Variants in TEX11 observed in about 807,000 individuals in gnomAD.
TEX11 encodes testis-expressed protein 11.
Under a neutral mutation model 84.4 loss-of-function variants are expected in TEX11, and 7 were observed. The observed-to-expected ratio is 0.08, with a 90% CI of 0.05 to 0.16. The LOEUF is 0.16. TEX11 is among the 10% of genes least tolerant of loss of function. The probability of loss-of-function intolerance (pLI) is 1.00; values close to 1 mark genes in which losing one functional copy is unlikely to be tolerated. For missense variants in TEX11, 551 were observed against 660.5 expected, an observed-to-expected ratio of 0.83 and a Z score of 1.82; for synonymous variants, 264 against 222.8, an observed-to-expected ratio of 1.18 and a Z score of -1.64.
intron 2 of TEX11, among the ~76,000 whole-genome samples, chrX:70,906,119 A>G (rs1361953251): frequency 1.4e-5 from 1 of 71,761 alleles, no homozygotes; most frequent in Non-Finnish European, 2.6e-5. Context: ...ATATATATAT[A>G]TATATATATA....
chrX:70,580,567 C>T (rs1301539016), intron 25 of TEX11, among the ~76,000 whole-genome samples: 1 of 111,992 alleles, frequency 8.9e-6, no homozygotes, highest in African/African-American at 3.2e-5. Context: ...TAAATGGATA[C>T]ACTTATAATG....
chrX:70,800,662 A>G (rs1254879846), intron 9 of TEX11, among the ~76,000 whole-genome samples: 2 of 106,125 alleles, frequency 1.9e-5, no homozygotes, highest in Non-Finnish European at 3.9e-5. Flanking sequence ...TCTGGGCAAG[A>G]ACTTCCTTCT....
chrX:70,892,395 T>C (rs1256454437), intron 2 of TEX11, among the ~76,000 whole-genome samples: 1 of 111,698 alleles, frequency 9.0e-6, no homozygotes, highest in Non-Finnish European at 1.9e-5. Context: ...AATTCACACA[T>C]AACAATGTTA....
chrX:70,783,744 T>C (rs767757757), intron 9 of TEX11, among the ~76,000 whole-genome samples: 7 of 111,998 alleles, frequency 6.3e-5, no homozygotes, highest in Admixed American at 1.9e-4. Flanking sequence ...GATAAATTCC[T>C]GGACACTTAC....
chrX:70,896,020 T>C (rs1362579570), intron 2 of TEX11, among the ~76,000 whole-genome samples: 4 of 111,796 alleles, frequency 3.6e-5, no homozygotes, highest in Non-Finnish European at 7.5e-5. Context: ...AATTGACAAA[T>C]TGAATCTAAT....
chrX:70,531,430 A>T (rs1156720850), intron 28 of TEX11, among the ~76,000 whole-genome samples: 1 of 112,059 alleles, frequency 8.9e-6, no homozygotes, highest in Non-Finnish European at 1.9e-5. Context: ...GAGCCCCTTG[A>T]AGGTAAAATG....
chrX:70,655,285 T>C (rs1012600712), intron 16 of TEX11, among the ~76,000 whole-genome samples: 2 of 111,151 alleles, frequency 1.8e-5, no homozygotes, highest in Admixed American at 9.6e-5. Context: ...TGTGTGTATA[T>C]AGGTGGTCTC....
chrX:70,542,057 G>A (rs747766474), intron 28 of TEX11, among the ~76,000 whole-genome samples: 1 of 111,200 alleles, frequency 9.0e-6, no homozygotes, highest in Admixed American at 9.6e-5. Flanking sequence ...CACCTCCAGT[G>A]GAAACAGCCC....
In TEX11 at chrX:70,689,936, C is replaced by T. The variant is rs190107341; in HGVS notation, c.1005-7111G>A. On this transcript the variant is annotated intron_variant, in intron 13 of 29. Coordinates refer to ENST00000374333, the MANE Select transcript of TEX11 (RefSeq NM_031276.3). ...CATAAATCATATTGACAGTATATAC[C>T]CTTGATAACGATGTAATGAAAATGG... 9.0e-5 allele frequency among the ~76,000 whole-genome samples: 10 copies of T among 111,183 alleles called. No homozygotes were observed. The East Asian group carries it at 2.8e-3, about 31-fold the overall frequency.
intron 11 of TEX11, among the ~76,000 whole-genome samples, chrX:70,731,043 C>G (rs1268376624): frequency 2.7e-5 from 3 of 111,849 alleles, no homozygotes; most frequent in Non-Finnish European, 5.6e-5. Context: ...CAACCTGCTC[C>G]TGAATGACTA....
the TEX11 span, among the ~76,000 whole-genome samples, chrX:70,514,580 C>T: frequency 2.9e-4 from 26 of 90,570 alleles, no homozygotes; most frequent in East Asian, 8.6e-3. Flanking sequence ...GGTGTCAGAG[C>T]CGAGACTCCA....
At chrX:70,717,341 T>C (rs1290393506) in intron 13 of TEX11, among the ~76,000 whole-genome samples, 5 of 108,390 alleles carry the variant, frequency 4.6e-5, no homozygotes, top group Non-Finnish European at 9.6e-5. Flanking sequence ...TTTTTTGAGA[T>C]GGAGTCTTGC....
chrX:70,629,798 G>A lies in TEX11; in HGVS notation c.1484-63C>T, dbSNP rs764322115. 3.7e-6 allele frequency: 3 copies of A among 803,161 alleles called. No homozygotes were observed. In the South Asian group the frequency reaches 9.7e-5, roughly 26 times the overall value. 66.2% of individuals were successfully genotyped at this position (803,161 alleles called of 1,213,427 possible). A position where few individuals can be genotyped will look rare whatever the true frequency, so the allele number is the denominator to read the frequency against. ...TAATCAAAGAAATTACATATCTATG[G>A]TTAATTATGCCACAATGAATTTGGA... On this transcript the variant is annotated intron_variant, in intron 17 of 29. Coordinates refer to ENST00000374333, the MANE Select transcript of TEX11 (RefSeq NM_031276.3).
intron 9 of TEX11, among the ~76,000 whole-genome samples, chrX:70,772,833 A>G: frequency 9.0e-6 from 1 of 110,942 alleles, no homozygotes; most frequent in Non-Finnish European, 1.9e-5. Flanking sequence ...GAGCAGGACA[A>G]TACAATGATG....
At chrX:70,555,927 T>C (rs2088280599) in intron 25 of TEX11, among the ~76,000 whole-genome samples, 1 of 112,120 alleles carries the variant, frequency 8.9e-6, no homozygotes, top group Non-Finnish European at 1.9e-5. Flanking sequence ...CATAAAAGTG[T>C]TCATAATATT....
At chrX:70,833,793 T>C (rs975562408) in intron 7 of TEX11, among the ~76,000 whole-genome samples, 200 bp from the exon 8 acceptor site, 3 of 111,745 alleles carry the variant, frequency 2.7e-5, no homozygotes, top group Non-Finnish European at 5.6e-5. Flanking sequence ...GACACAGAGT[T>C]GATACTGAAT....
chrX:70,541,672 C>T (rs1326676061), intron 28 of TEX11, among the ~76,000 whole-genome samples: 2 of 111,426 alleles, frequency 1.8e-5, no homozygotes, highest in Non-Finnish European at 3.8e-5. Context: ...GCATGAGAAT[C>T]GCTTGAACCT....
intron 28 of TEX11, among the ~76,000 whole-genome samples, chrX:70,540,184 GA>G (rs1015346052): frequency 8.9e-6 from 1 of 112,056 alleles, no homozygotes; most frequent in Non-Finnish European, 1.9e-5. Flanking sequence ...CTCAAATAAC[GA>G]AAAAAGACAA....
At chrX:70,861,123 G>A (rs1374447886) in intron 4 of TEX11, among the ~76,000 whole-genome samples, 187 bp from the exon 5 acceptor site, 2 of 99,456 alleles carry the variant, frequency 2.0e-5, no homozygotes, top group African/African-American at 7.5e-5. Context: ...GTGCAGTGGC[G>A]GGATCTCGGC....
Sources: allele counts gnomAD v4.1 joint callset (sites outside exome capture counted in the v4.1 genomes callset), GRCh38; gene constraint gnomAD v4.1.1; transcripts MANE v1.5; gene names NCBI Gene and HGNC (gene_info 2026-07-23, HGNC 2026-07-21).